OLFM2: variants seen among roughly 807,000 people sequenced by gnomAD.
OLFM2 encodes olfactomedin 2, also known as noelin-2.
OLFM2 carries 20 observed loss-of-function variants against 43.9 expected under a neutral mutation model. The ratio of observed to expected loss-of-function variants is 0.46; its 90% CI spans 0.32 to 0.66. The LOEUF is 0.66. Among genes scored for constraint, OLFM2 ranks in the 30% least tolerant of loss-of-function variants. The probability of loss-of-function intolerance (pLI) is 0.04; values close to 1 mark genes in which losing one functional copy is unlikely to be tolerated. For synonymous variants in OLFM2, 268 were observed against 278.6 expected (o/e 0.96, Z 0.38); for missense variants, 416 against 643.6 (o/e 0.65, Z 3.83).
At chr19:9,895,654 T>C (rs1048522522) in intron 1 of OLFM2, among the ~76,000 whole-genome samples, 11 of 152,128 alleles carry the variant, frequency 7.2e-5, no homozygotes, top group African/African-American at 2.7e-4. Flanking sequence ...TTTATATTTT[T>C]AGACCGAGTC....
chr19:9,918,554 A>G (rs1324554930), intron 1 of OLFM2, among the ~76,000 whole-genome samples: 1 of 152,202 alleles, frequency 6.6e-6, no homozygotes, highest in Admixed American at 6.5e-5. Context: ...GCATATGTCT[A>G]TGAAAAGACC....
chr19:9,915,952 G>A (rs932153881), intron 1 of OLFM2, among the ~76,000 whole-genome samples: 1 of 152,232 alleles, frequency 6.6e-6, no homozygotes, highest in Non-Finnish European at 1.5e-5. Flanking sequence ...CAGGAAGGAG[G>A]CCAGTGTAGT....
At chr19:9,931,375 G>A (rs1362238443) in intron 1 of OLFM2, among the ~76,000 whole-genome samples, 1 of 152,094 alleles carries the variant, frequency 6.6e-6, no homozygotes, top group Non-Finnish European at 1.5e-5. Flanking sequence ...TCAGCCTCCT[G>A]AGTAGAACTA....
intron 1 of OLFM2, among the ~76,000 whole-genome samples, chr19:9,888,883 G>C (rs994144413): frequency 6.6e-6 from 1 of 152,020 alleles, no homozygotes; most frequent in South Asian, 2.1e-4. Flanking sequence ...TGGCTAACAC[G>C]GTGAAACCCC....
At chr19:9,858,824 C>T (rs1820053555) in intron 2 of OLFM2, among the ~76,000 whole-genome samples, 1 of 152,138 alleles carries the variant, frequency 6.6e-6, no homozygotes, top group Admixed American at 6.5e-5. Context: ...CTTAAGTAGA[C>T]TCTCACCTGG....
chr19:9,873,796 ATTTTTTTTTTTTTTTTTTTTTT>A (rs71188848), intron 1 of OLFM2, among the ~76,000 whole-genome samples: 2 of 70,468 alleles, frequency 2.8e-5, no homozygotes, highest in African/African-American at 1.3e-4. Flanking sequence ...TGCCCAGCTA[ATTTTTTTTTTTTTTTTTTTTTT>A]TTTTTTTTTT....
At chr19:9,895,099 CAAATCCT>C (rs764422285) in intron 1 of OLFM2, among the ~76,000 whole-genome samples, 8 of 152,112 alleles carry the variant, frequency 5.3e-5, no homozygotes, top group Non-Finnish European at 1.0e-4. Context: ...ACTCCCTCAC[CAAATCCT>C]ACTGATGTTA....
intron 1 of OLFM2, among the ~76,000 whole-genome samples, chr19:9,927,873 A>C (rs1461288437): frequency 6.6e-6 from 1 of 151,660 alleles, no homozygotes; most frequent in Non-Finnish European, 1.5e-5. Flanking sequence ...ACCAGCCTGA[A>C]CAATATTGTG....
intron 5 of OLFM2, among the ~76,000 whole-genome samples, chr19:9,855,504 C>G (rs1280611028): frequency 6.6e-6 from 1 of 151,986 alleles, no homozygotes; most frequent in Non-Finnish European, 1.5e-5. Context: ...TCCCAAAGTG[C>G]TGGGATTACA....
intron 1 of OLFM2, among the ~76,000 whole-genome samples, chr19:9,921,100 T>C (rs1028718086): frequency 2.0e-5 from 3 of 152,094 alleles, no homozygotes; most frequent in African/African-American, 7.2e-5. Context: ...TAATTTTCTT[T>C]TGTTTGTTTT....
chr19:9,928,840 G>A (rs899065790), intron 1 of OLFM2, among the ~76,000 whole-genome samples: 6 of 151,604 alleles, frequency 4.0e-5, no homozygotes, highest in African/African-American at 7.3e-5. Context: ...ATAAGCTTTT[G>A]TATACAGTCT....
At chr19:9,880,978 G>A (rs535326131) in intron 1 of OLFM2, among the ~76,000 whole-genome samples, 5 of 152,220 alleles carry the variant, frequency 3.3e-5, no homozygotes, top group African/African-American at 9.6e-5. Flanking sequence ...GCTCACTGCA[G>A]CCTCTGCCTC....
intron 1 of OLFM2, among the ~76,000 whole-genome samples, chr19:9,877,161 T>C (rs905003178): frequency 7.0e-5 from 10 of 143,586 alleles, no homozygotes; most frequent in African/African-American, 2.6e-4. Flanking sequence ...ACCAGGTAGG[T>C]GAAGGTTGCG....
chr19:9,882,196 C>T (rs937202836), intron 1 of OLFM2, among the ~76,000 whole-genome samples: 5 of 149,734 alleles, frequency 3.3e-5, no homozygotes, highest in Admixed American at 1.3e-4. Context: ...GCTGTGATAA[C>T]GCCACTGCAC....
At position 9,856,971 on chromosome 19, in the gene OLFM2, A is replaced by G. The variant is rs2145429787; in HGVS notation, c.581-58T>C. On this transcript the variant is annotated intron_variant, in intron 4 of 5. Transcript: ENST00000264833. This position sits in a 1 kb window ranked among gnomAD's most constrained non-coding sequence, Gnocchi z 4.0. ...GGAAATGAACAGCCCAAGAGAGGCC[A>G]GGCAAAGATGAAGTGCTGTGATCAA... The G allele has an allele frequency of 7.3e-7, 1 of 1,368,478 alleles. No individual in the cohort carries two copies. The highest frequency in any genetic ancestry group is 2.0e-5 in the Admixed American group (1 of 50,982). 84.8% of individuals were successfully genotyped at this position (1,368,478 alleles called of 1,614,324 possible).
Position 9,860,692 on chromosome 19 carries a change from A to G in OLFM2, c.166T>C (p.Cys56Arg). ...CTAVIPAQSTCSRDGRSRELR... is the reference protein window; with the variant it reads ...CTAVIPAQSTRSRDGRSRELR... ...TCCCGACTCCTGCCATCTCGAGAGC[A>G]GGTACTCTGCGCTGGGATCACGGCC... The change falls in exon 2 of 6, where the codon TGC (cysteine) becomes CGC (arginine). Residue 56 changes from cysteine to arginine, a missense_variant. Cys to Arg is a radical substitution (Grantham distance 180, BLOSUM62 -3). Transcript: ENST00000264833. The G allele has an allele frequency of 6.2e-7, 1 of 1,602,592 alleles. No homozygotes were observed. The highest frequency in any genetic ancestry group is 8.5e-7 in the Non-Finnish European group (1 of 1,174,494).
intron 1 of OLFM2, among the ~76,000 whole-genome samples, chr19:9,873,703 C>T (rs948034229): frequency 5.9e-5 from 9 of 151,914 alleles, no homozygotes; most frequent in Non-Finnish European, 7.4e-5. Flanking sequence ...GATCATGGCT[C>T]ACTGCAGCCT....
intron 1 of OLFM2, among the ~76,000 whole-genome samples, chr19:9,882,763 A>T (rs527795827): frequency 1.1e-4 from 17 of 151,642 alleles, no homozygotes; most frequent in African/African-American, 4.1e-4. Flanking sequence ...TTAAAAAATA[A>T]GCTGGGCATG....
chr19:9,857,968 C>T lies in OLFM2; in HGVS notation c.214-107G>A, dbSNP rs1046372089. 24 of 1,404,894 alleles carry T rather than the reference C, an allele frequency of 1.7e-5. No individual in the cohort carries two copies. Among genetic ancestry groups the T allele is most frequent in the African/African-American group, 1.7e-4 (12 of 70,682 alleles). The allele number at this position is 1,404,894 out of a possible 1,614,324, so 87.0% of individuals were successfully genotyped here. On this transcript the variant is annotated intron_variant, in intron 2 of 5. Coordinates refer to ENST00000264833, the MANE Select transcript of OLFM2 (RefSeq NM_058164.4). This position sits in a 1 kb window ranked among gnomAD's most constrained non-coding sequence, Gnocchi z 5.7. Reference sequence around the variant, plus strand: ...AACAGAGGCTGTACAAACACCACACCGACGAGGCCACCTTCTCCTCCCCTG... The same window carrying T: ...AACAGAGGCTGTACAAACACCACACTGACGAGGCCACCTTCTCCTCCCCTG...
Sources: gnomAD v4.1 joint callset for allele counts (sites outside exome capture counted in the v4.1 genomes callset) on GRCh38, gnomAD v4.1.1 for gene constraint, Gnocchi (gnomAD v3.1) non-coding constraint, MANE v1.5 for transcripts, NCBI Gene and HGNC (gene_info 2026-07-23, HGNC 2026-07-21) for gene names.